The following RBFOX1 variants were observed in gnomAD, a reference collection of about 807,000 sequenced individuals.
RBFOX1 encodes the protein RNA binding fox-1 homolog 1.
A neutral mutation model predicts 57.7 loss-of-function variants in RBFOX1; 8 were observed. The ratio of observed to expected loss-of-function variants is 0.14; its 90% CI spans 0.08 to 0.25. The LOEUF is 0.25. Ranked by LOEUF, RBFOX1 falls within the 10% of genes least tolerant of loss-of-function variation. The pLI is 1.00. For synonymous variants in RBFOX1, 326 were observed against 222.4 expected, an observed-to-expected ratio of 1.47 and a Z score of -4.15; for missense variants, 611 against 548.5, an observed-to-expected ratio of 1.11 and a Z score of -1.14.
chr16:7,351,043 T>A (rs1247258024), intron 4 of RBFOX1, among the ~76,000 whole-genome samples: 1 of 152,222 alleles, frequency 6.6e-6, no homozygotes, highest in African/African-American at 2.4e-5. Flanking sequence ...AGGTTTTCCA[T>A]CACAGGACAG....
intron 3 of RBFOX1, among the ~76,000 whole-genome samples, chr16:6,917,279 C>T (rs1274488896): frequency 1.3e-5 from 2 of 152,190 alleles, no homozygotes; most frequent in Non-Finnish European, 2.9e-5. Context: ...CTGTTAGGGA[C>T]TCATTTGTAA....
chr16:7,231,016 C>G (rs965414118), intron 4 of RBFOX1, among the ~76,000 whole-genome samples: 1 of 152,114 alleles, frequency 6.6e-6, no homozygotes, highest in African/African-American at 2.4e-5. Context: ...GGTACCTGAA[C>G]AAGCACCTCT....
chr16:6,434,852 G>A (rs2094191265), intron 2 of RBFOX1, among the ~76,000 whole-genome samples: 1 of 152,076 alleles, frequency 6.6e-6, no homozygotes, highest in Non-Finnish European at 1.5e-5. Context: ...TCCTTCATTT[G>A]GCATTTACTG....
intron 3 of RBFOX1, among the ~76,000 whole-genome samples, chr16:5,670,486 G>T (rs2049983757): frequency 6.6e-6 from 1 of 152,178 alleles, no homozygotes. Flanking sequence ...CTGAGCTATG[G>T]AAGATATGGG....
chr16:5,888,111 C>G (rs778584200), intron 4 of RBFOX1, among the ~76,000 whole-genome samples: 3 of 152,210 alleles, frequency 2.0e-5, no homozygotes, highest in Non-Finnish European at 4.4e-5. Context: ...TCTCAGACCA[C>G]TTTCCACTTG....
At chr16:7,531,261 C>T (rs1000385392) in intron 5 of RBFOX1, among the ~76,000 whole-genome samples, 2 of 152,100 alleles carry the variant, frequency 1.3e-5, no homozygotes, top group South Asian at 2.1e-4. Flanking sequence ...CAAATAGAAA[C>T]TTCTTGGGCT....
intron 4 of RBFOX1, among the ~76,000 whole-genome samples, chr16:7,258,188 A>G (rs1252566423): frequency 6.6e-6 from 1 of 152,222 alleles, no homozygotes; most frequent in Non-Finnish European, 1.5e-5. Flanking sequence ...ATGGTTAACA[A>G]TGTGCCATGT....
intron 4 of RBFOX1, among the ~76,000 whole-genome samples, chr16:7,325,220 G>C (rs554368522): frequency 6.6e-6 from 1 of 152,256 alleles, no homozygotes; most frequent in Non-Finnish European, 1.5e-5. Flanking sequence ...GCAGTATACT[G>C]TACTTATTTA....
At chr16:5,541,713 T>G (rs1309375440) in intron 2 of RBFOX1, among the ~76,000 whole-genome samples, 3 of 152,210 alleles carry the variant, frequency 2.0e-5, no homozygotes, top group Non-Finnish European at 4.4e-5. Flanking sequence ...TTTATTTTCC[T>G]TTCACAGTAT....
At chr16:6,058,302 C>G (rs1338160489) in intron 1 of RBFOX1, among the ~76,000 whole-genome samples, 1 of 151,446 alleles carries the variant, frequency 6.6e-6, no homozygotes, top group Non-Finnish European at 1.5e-5. Context: ...GCCTTCCTCC[C>G]TCCTCTTCTT....
chr16:6,376,714 C>G (rs571466172), intron 2 of RBFOX1, among the ~76,000 whole-genome samples: 1 of 152,166 alleles, frequency 6.6e-6, no homozygotes. Flanking sequence ...TAAGAAGTAT[C>G]AGAAGCTCAG....
At chr16:7,456,544 A>G (rs2058549069) in intron 4 of RBFOX1, among the ~76,000 whole-genome samples, 1 of 152,218 alleles carries the variant, frequency 6.6e-6, no homozygotes. Flanking sequence ...GGCGTAACAA[A>G]ATCTTCGTGT....
chr16:5,712,873 C>T (rs1214119167), intron 3 of RBFOX1, among the ~76,000 whole-genome samples: 2 of 152,176 alleles, frequency 1.3e-5, no homozygotes, highest in Non-Finnish European at 2.9e-5. Context: ...CATTTCTGTG[C>T]TGCAGAGTTC....
chr16:5,729,396 CTTTTT>C (rs71142649), intron 3 of RBFOX1, among the ~76,000 whole-genome samples: 9 of 111,474 alleles, frequency 8.1e-5, no homozygotes, highest in Admixed American at 2.0e-4. Context: ...TTTTTCTTTT[CTTTTT>C]TTTTTTTTTT....
At chr16:6,712,623 A>G (rs1029018702) in intron 3 of RBFOX1, among the ~76,000 whole-genome samples, 6 of 152,170 alleles carry the variant, frequency 3.9e-5, no homozygotes. Flanking sequence ...CTTTATTCAG[A>G]AAATGTTTAT....
intron 4 of RBFOX1, among the ~76,000 whole-genome samples, chr16:7,119,246 C>G (rs959820574): frequency 1.3e-5 from 2 of 152,014 alleles, no homozygotes; most frequent in Non-Finnish European, 1.5e-5. Context: ...TTTTTTGTGT[C>G]CATTCACATA....
chr16:6,836,294 G>A (rs528502990), intron 3 of RBFOX1, among the ~76,000 whole-genome samples: 1 of 152,284 alleles, frequency 6.6e-6, no homozygotes, highest in Non-Finnish European at 1.5e-5. Flanking sequence ...AGATAGTTAA[G>A]GATTTTCAGC....
chr16:6,196,539 C>T (rs989940814), intron 1 of RBFOX1, among the ~76,000 whole-genome samples: 4 of 152,114 alleles, frequency 2.6e-5, no homozygotes, highest in Non-Finnish European at 5.9e-5. Context: ...GGATGCGTGG[C>T]TGCGACTTAA....
At position 6,267,459 on chromosome 16, in the gene RBFOX1, C is replaced by T. The variant is rs1008654213; in HGVS notation, c.-126-49536C>T. Among the ~76,000 whole-genome samples the T allele has an allele frequency of 5.6e-4, 85 of 152,114 alleles. 1 individual carries two copies. Among genetic ancestry groups the T allele is most frequent in the African/African-American group, 2.0e-3 (83 of 41,424 alleles). On this transcript the variant is annotated intron_variant, in intron 1 of 15. Coordinates refer to ENST00000550418, the MANE Select transcript of RBFOX1 (RefSeq NM_018723.4). ...TGGCTTCTTATCTCTTTCTCTGTAG[C>T]CTAAGAGAAATAGACCATGGATATA...
Sources: allele counts gnomAD v4.1 joint callset (sites outside exome capture counted in the v4.1 genomes callset), GRCh38; gene constraint gnomAD v4.1.1; transcripts MANE v1.5; gene names NCBI Gene and HGNC (gene_info 2026-07-23, HGNC 2026-07-21).